MAML2: variants seen among roughly 807,000 people sequenced by gnomAD.
The protein encoded by MAML2 is mastermind-like protein 2.
Under a neutral mutation model 96.1 loss-of-function variants are expected in MAML2, and 22 were observed. The observed-to-expected ratio is 0.23, with a 90% CI of 0.16 to 0.33. The LOEUF is 0.33. MAML2 is among the 10% of genes least tolerant of loss of function. The probability of loss-of-function intolerance (pLI) is 1.00; values close to 1 mark genes in which losing one functional copy is unlikely to be tolerated. For missense variants in MAML2, 1,367 were observed against 1,392.4 expected, an observed-to-expected ratio of 0.98 and a Z score of 0.29; for synonymous variants, 561 against 521.3, an observed-to-expected ratio of 1.08 and a Z score of -1.04.
intron 1 of MAML2, among the ~76,000 whole-genome samples, chr11:96,310,666 A>G (rs149029000): frequency 1.7e-4 from 26 of 152,348 alleles, no homozygotes; most frequent in African/African-American, 6.0e-4. Context: ...TATAATAAGA[A>G]GCACTGGACT....
intron 1 of MAML2, among the ~76,000 whole-genome samples, chr11:96,195,194 AAAAAG>A (rs999125353): frequency 3.3e-5 from 5 of 151,086 alleles, no homozygotes; most frequent in Admixed American, 2.6e-4. Flanking sequence ...CATTCAAATT[AAAAAG>A]AAAAGAAAAG....
At chr11:96,305,027 C>A (rs937549894) in intron 1 of MAML2, among the ~76,000 whole-genome samples, 2 of 152,094 alleles carry the variant, frequency 1.3e-5, no homozygotes, top group African/African-American at 4.8e-5. Flanking sequence ...AGAGATGCAC[C>A]ATTTATAACA....
intron 1 of MAML2, among the ~76,000 whole-genome samples, chr11:96,131,534 A>G (rs912698697): frequency 2.0e-5 from 3 of 152,212 alleles, no homozygotes; most frequent in African/African-American, 4.8e-5. Context: ...GATAAACTAC[A>G]TACTTACAAT....
At chr11:96,002,166 C>T (rs752823255) in intron 2 of MAML2, among the ~76,000 whole-genome samples, 1 of 152,184 alleles carries the variant, frequency 6.6e-6, no homozygotes, top group Admixed American at 6.5e-5. Flanking sequence ...ACCTCTTTCC[C>T]ATTTTAAGTG....
chr11:96,304,633 A>T (rs898053436), intron 1 of MAML2, among the ~76,000 whole-genome samples: 1 of 152,170 alleles, frequency 6.6e-6, no homozygotes, highest in Admixed American at 6.5e-5. Context: ...AAACAGAATG[A>T]ATGCTTCCTA....
chr11:96,162,711 C>CAA (rs1432863293), intron 1 of MAML2, among the ~76,000 whole-genome samples: 11 of 83,490 alleles, frequency 1.3e-4, no homozygotes, highest in African/African-American at 3.9e-4. Context: ...AACTCCGTCT[C>CAA]AAAAAAAGAA....
intron 1 of MAML2, among the ~76,000 whole-genome samples, chr11:96,132,485 A>T (rs1652149732): frequency 6.6e-6 from 1 of 152,230 alleles, no homozygotes; most frequent in African/African-American, 2.4e-5. Context: ...TAATTCTTTG[A>T]TTTACATACT....
chr11:96,177,140 T>C (rs1861399515), intron 1 of MAML2, among the ~76,000 whole-genome samples: 1 of 152,226 alleles, frequency 6.6e-6, no homozygotes, highest in East Asian at 1.9e-4. Context: ...GATATACTGC[T>C]GGTTTAACTC....
intron 2 of MAML2, among the ~76,000 whole-genome samples, chr11:96,002,987 GTGA>G (rs1275548439): frequency 7.3e-6 from 1 of 137,244 alleles, no homozygotes; most frequent in Non-Finnish European, 1.6e-5. Flanking sequence ...GATGATGATG[GTGA>G]TGATGAGGAT....
chr11:96,301,047 T>C (rs139459346), intron 1 of MAML2, among the ~76,000 whole-genome samples: 72 of 152,336 alleles, frequency 4.7e-4, no homozygotes, highest in African/African-American at 1.7e-3. Context: ...TAACTGTTCA[T>C]TAGTTTTCAT....
In MAML2 at chr11:96,148,578, T is replaced by C. The variant is rs958392931; in HGVS notation, c.514-55061A>G. 3.8e-5 allele frequency among the ~76,000 whole-genome samples: 4 copies of C among 106,280 alleles called. 1 individual carries two copies. The South Asian group carries it at 1.4e-3, about 38-fold the overall frequency. 69.7% of individuals were successfully genotyped at this position (106,280 alleles called of 152,430 possible). A position where few individuals can be genotyped will look rare whatever the true frequency, so the allele number is the denominator to read the frequency against. On this transcript the variant is annotated intron_variant, in intron 1 of 4. Transcript: ENST00000524717. Reference sequence around the variant, plus strand: ...GCTGAACATTATTTTATTTAATGCATTGCTTTCCCTGAAATGTTGGGGATC... The same window carrying C: ...GCTGAACATTATTTTATTTAATGCACTGCTTTCCCTGAAATGTTGGGGATC...
intron 2 of MAML2, among the ~76,000 whole-genome samples, chr11:96,007,166 TTAA>T (rs1858195117): frequency 7.3e-6 from 1 of 136,644 alleles, no homozygotes; most frequent in Admixed American, 7.4e-5. Flanking sequence ...CCATGTCCAG[TTAA>T]TTTTTTTTTT....
At chr11:96,246,505 G>A (rs1324338309) in intron 1 of MAML2, among the ~76,000 whole-genome samples, 1 of 152,046 alleles carries the variant, frequency 6.6e-6, no homozygotes, top group Non-Finnish European at 1.5e-5. Flanking sequence ...GATGGCATGC[G>A]ATCTACCTCC....
rs35035966 is a variant in MAML2, at chr11:96,065,415, GCACA to G, written c.2139+26473_2139+26476del. ...CTCTAGTGCACATGCGTGCGTGCAT[GCACA>G]CACACACACACACACACACACACAG... On this transcript the variant is annotated intron_variant, in intron 2 of 4. Coordinates refer to ENST00000524717, the MANE Select transcript of MAML2 (RefSeq NM_032427.4). Among the ~76,000 whole-genome samples the G allele has an allele frequency of 4.5e-3, 670 of 149,092 alleles. 6 individuals are homozygous for G. Among genetic ancestry groups the G allele is most frequent in the African/African-American group, 0.012 (498 of 40,626 alleles).
chr11:96,218,567 C>CT (rs1862084179), intron 1 of MAML2, among the ~76,000 whole-genome samples: 1 of 152,110 alleles, frequency 6.6e-6, no homozygotes, highest in Non-Finnish European at 1.5e-5. Flanking sequence ...TGTGAGGTAA[C>CT]TTCCTGCCCC....
intron 1 of MAML2, among the ~76,000 whole-genome samples, chr11:96,204,888 T>G (rs1043958699): frequency 1.3e-5 from 2 of 152,246 alleles, no homozygotes; most frequent in Non-Finnish European, 2.9e-5. Context: ...ATTGCTCTAC[T>G]ACATTTCATT....
intron 1 of MAML2, among the ~76,000 whole-genome samples, chr11:96,201,721 C>G (rs1483448984): frequency 7.0e-6 from 1 of 143,616 alleles, no homozygotes; most frequent in South Asian, 2.2e-4. Flanking sequence ...AGATCGAGAC[C>G]ATCCTGGCTA....
At chr11:96,332,756 A>G (rs1863870535) in intron 1 of MAML2, among the ~76,000 whole-genome samples, 2 of 152,248 alleles carry the variant, frequency 1.3e-5, no homozygotes, top group Admixed American at 6.5e-5. Flanking sequence ...AACATCAACA[A>G]CAACAAAAAA....
At chr11:96,212,151 G>GT (rs1565250408) in intron 1 of MAML2, among the ~76,000 whole-genome samples, 11 of 107,132 alleles carry the variant, frequency 1.0e-4, no homozygotes, top group East Asian at 6.1e-4. Context: ...GTGTGTGTGT[G>GT]GAAGGGGGAC....
Sources: gnomAD v4.1 joint callset for allele counts (sites outside exome capture counted in the v4.1 genomes callset) on GRCh38, gnomAD v4.1.1 for gene constraint, MANE v1.5 for transcripts, NCBI Gene and HGNC (gene_info 2026-07-23, HGNC 2026-07-21) for gene names.